The following LEPR variants were observed in gnomAD, a reference collection of about 807,000 sequenced individuals.
The protein encoded by LEPR is leptin receptor.
Under a neutral mutation model 114.7 loss-of-function variants are expected in LEPR, and 56 were observed. That is an observed-to-expected ratio of 0.49 (90% confidence interval 0.39 to 0.61). The LOEUF is 0.61. LEPR is among the 20% of genes least tolerant of loss of function. LEPR has a pLI of 0.00. For missense variants in LEPR, 1,202 were observed against 1,352.9 expected, an observed-to-expected ratio of 0.89 and a Z score of 1.75; for synonymous variants, 443 against 461.4, an observed-to-expected ratio of 0.96 and a Z score of 0.51.
chr1:65,619,461 T>C (rs1046092505), intron 16 of LEPR, among the ~76,000 whole-genome samples: 2 of 152,198 alleles, frequency 1.3e-5, no homozygotes, highest in African/African-American at 4.8e-5. Flanking sequence ...ACCACCATTT[T>C]GTTTGCATAG....
chr1:65,565,968 C>T (rs1653723974), intron 3 of LEPR, among the ~76,000 whole-genome samples: 1 of 151,960 alleles, frequency 6.6e-6, no homozygotes, highest in Non-Finnish European at 1.5e-5. Flanking sequence ...GTTTATTTTT[C>T]CATTTAACAG....
Position 65,609,953 on chromosome 1 carries a change from G to A in LEPR, c.1759G>A (p.Glu587Lys), listed in dbSNP as rs778425736. 1.9e-6 allele frequency: 3 copies of A among 1,614,048 alleles called. No homozygotes were observed. The Admixed American group carries it at 5.0e-5, about 27-fold the overall frequency. The change falls in exon 13 of 20, where the codon GAG becomes AAG. Residue 587 changes from glutamate (E) to lysine (K), a missense_variant. Glu to Lys is a moderately conservative substitution (Grantham distance 56). Coordinates refer to ENST00000349533, the MANE Select transcript of LEPR (RefSeq NM_002303.6). The stretch of plus-strand genomic sequence containing the variant: ...GCTTTGACTTATTTTACAGATGTAT[G>A]AGGTTTATGATGCAAAATCAAAATC... ...SGKEVQWKMY[E>K]VYDAKSKSVS...
At chr1:65,425,170 TAATTCCAGAA>T (rs1646335130) in intron 1 of LEPR, 123 bp from the exon 2 acceptor site, 1 of 699,042 alleles carries the variant, frequency 1.4e-6, no homozygotes, top group Middle Eastern at 2.3e-4. Flanking sequence ...CACTACTATC[TAATTCCAGAA>T]AATTTACTCA....
intron 2 of LEPR, among the ~76,000 whole-genome samples, chr1:65,461,702 C>T (rs947293362): frequency 6.6e-6 from 1 of 152,148 alleles, no homozygotes; most frequent in Non-Finnish European, 1.5e-5. Flanking sequence ...GTGTGGGTTG[C>T]GCATACTGAC....
chr1:65,452,797 A>G (rs888990140), intron 2 of LEPR, among the ~76,000 whole-genome samples: 7 of 152,122 alleles, frequency 4.6e-5, no homozygotes, highest in African/African-American at 1.7e-4. Flanking sequence ...GCCTCATAAA[A>G]TGAGTTAGGG....
chr1:65,428,552 A>G (rs913234098), intron 2 of LEPR, among the ~76,000 whole-genome samples: 1 of 152,166 alleles, frequency 6.6e-6, no homozygotes, highest in Non-Finnish European at 1.5e-5. Flanking sequence ...GTCCTCTTGA[A>G]GGACACATTC....
In LEPR at chr1:65,638,598, A is replaced by G. The variant is rs1658789159; in HGVS notation, c.*1583A>G. 2 of 152,216 alleles carry G rather than the reference A, an allele frequency of 1.3e-5. No individual in the cohort carries two copies. Among genetic ancestry groups the G allele is most frequent in the Non-Finnish European group, 2.9e-5 (2 of 68,042 alleles). The allele number at this position is 152,216 out of a possible 1,614,324, so 9.4% of individuals were successfully genotyped here. On this transcript the variant is annotated 3_prime_UTR_variant, in exon 20 of 20. Transcript: ENST00000349533. ...AATCTCTACATTCCATCTCTAGTCCAGTTGTGGCTATGAAGTGAGCAGTTC... is the reference window on the plus strand; with the variant it reads ...AATCTCTACATTCCATCTCTAGTCCGGTTGTGGCTATGAAGTGAGCAGTTC...
intron 2 of LEPR, among the ~76,000 whole-genome samples, chr1:65,558,537 T>TTTGAATCAGAA (rs1557662107): frequency 2.0e-3 from 50 of 24,768 alleles, no homozygotes; most frequent in Non-Finnish European, 2.6e-3. Context: ...TTTTTTTTTT[T>TTTGAATCAGAA]GTTTTTTTTT....
chr1:65,581,385 A>G (rs192811464), intron 5 of LEPR, among the ~76,000 whole-genome samples: 5 of 150,980 alleles, frequency 3.3e-5, no homozygotes, highest in Admixed American at 2.6e-4. Context: ...AGCAGCCCAT[A>G]TGCGCATCTA....
intron 5 of LEPR, among the ~76,000 whole-genome samples, chr1:65,572,721 G>A (rs778995964): frequency 2.0e-4 from 30 of 152,142 alleles, no homozygotes; most frequent in Non-Finnish European, 7.3e-5. Context: ...ACTGAGGTCC[G>A]AAGGGAGTGG....
rs765943820 is a variant in LEPR at position 65,601,982 on chromosome 1, T to G, written c.1403+22T>G. The G allele has an allele frequency of 3.1e-6, 5 of 1,600,382 alleles. No individual in the cohort carries two copies. The East Asian group carries it at 1.1e-4, about 36-fold the overall frequency. On this transcript the variant is annotated intron_variant, in intron 10 of 19. Coordinates refer to ENST00000349533, the MANE Select transcript of LEPR (RefSeq NM_002303.6). ...ATAGGTACGTATTATTTTTGCTGTTTTGTTTTTCTGTGGGCACAGTGAGAT... is the reference window on the plus strand; with the variant it reads ...ATAGGTACGTATTATTTTTGCTGTTGTGTTTTTCTGTGGGCACAGTGAGAT...
intron 2 of LEPR, among the ~76,000 whole-genome samples, chr1:65,554,846 C>T (rs1375876730): frequency 6.6e-6 from 1 of 152,040 alleles, no homozygotes; most frequent in Admixed American, 6.6e-5. Flanking sequence ...GTGGTGTAGG[C>T]ACCCGAGGGA....
In LEPR at chr1:65,609,945, A is replaced by G. The variant is rs1346231298; in HGVS notation, c.1753-2A>G. 2 of 1,614,046 alleles carry G rather than the reference A, an allele frequency of 1.2e-6. No individual in the cohort carries two copies. Among genetic ancestry groups the G allele is most frequent in the Non-Finnish European group, 1.7e-6 (2 of 1,179,996 alleles). ...AATCTAATGCTTTGACTTATTTTAC[A>G]GATGTATGAGGTTTATGATGCAAAA... is the stretch of plus-strand genomic sequence containing the variant. On this transcript the variant is annotated splice_acceptor_variant, in intron 12 of 19. Coordinates refer to ENST00000349533, the MANE Select transcript of LEPR (RefSeq NM_002303.6). LOFTEE classifies it high-confidence loss of function.
chr1:65,605,382 T>G, intron 11 of LEPR, 145 bp downstream of exon 11: 1 of 1,022,352 alleles, frequency 9.8e-7, no homozygotes, highest in Admixed American at 2.0e-5. Context: ...ATTGAGAAAA[T>G]CAGCCTTAGG....
chr1:65,606,425 G>A (rs1656813384), intron 11 of LEPR, among the ~76,000 whole-genome samples: 1 of 152,144 alleles, frequency 6.6e-6, no homozygotes, highest in Admixed American at 6.5e-5. Context: ...TTTAGGTTGG[G>A]CTTATATTGC....
At chr1:65,444,816 G>C (rs551879015) in intron 2 of LEPR, among the ~76,000 whole-genome samples, 56 of 152,122 alleles carry the variant, frequency 3.7e-4, no homozygotes, top group Non-Finnish European at 7.2e-4. Context: ...GTAATAATGT[G>C]TGCTCATATA....
At position 65,640,177 on chromosome 1, in the gene LEPR, G is replaced by A. The variant is rs1570876253; in HGVS notation, c.*3162G>A. ...TATTTATATTACCTCCTCCAAAACT[G>A]AAAGAAAATAAACTTTAGGCTGTAA... is the stretch of plus-strand genomic sequence containing the variant. On this transcript the variant is annotated 3_prime_UTR_variant, in exon 20 of 20. Transcript: ENST00000349533. 1 of 151,988 alleles carries A rather than the reference G, an allele frequency of 6.6e-6. No homozygotes were observed. Among genetic ancestry groups the A allele is most frequent in the Non-Finnish European group, 1.5e-5 (1 of 68,008 alleles). 9.4% of individuals were successfully genotyped at this position (151,988 alleles called of 1,614,324 possible).
At chr1:65,449,437 C>G (rs1250424973) in intron 2 of LEPR, among the ~76,000 whole-genome samples, 2 of 152,056 alleles carry the variant, frequency 1.3e-5, no homozygotes. Context: ...GCCTCCCTCT[C>G]GGACCCTGGG....
At chr1:65,572,304 T>TG in intron 4 of LEPR, 22 bp from the exon 5 acceptor site, 1 of 1,442,880 alleles carries the variant, frequency 6.9e-7, no homozygotes, top group Non-Finnish European at 9.1e-7. Flanking sequence ...TTTTTTTTTT[T>TG]TTTTTTTTTT....
Sources: allele counts gnomAD v4.1 joint callset (sites outside exome capture counted in the v4.1 genomes callset), GRCh38; gene constraint gnomAD v4.1.1; transcripts MANE v1.5; gene names NCBI Gene and HGNC (gene_info 2026-07-23, HGNC 2026-07-21).